Variants in TENM3 observed in about 807,000 individuals in gnomAD.
TENM3 encodes teneurin-3.
A neutral mutation model predicts 255.1 loss-of-function variants in TENM3; 63 were observed. The ratio of observed to expected loss-of-function variants is 0.25; its 90% CI spans 0.20 to 0.30. The LOEUF is 0.30. Among genes scored for constraint, TENM3 ranks in the 10% least tolerant of loss-of-function variants. TENM3 has a pLI of 1.00. For missense variants in TENM3, 2,929 were observed against 3,461.1 expected (o/e 0.85, Z 3.86); for synonymous variants, 1,306 against 1,322.3 (o/e 0.99, Z 0.27).
intron 1 of TENM3, among the ~76,000 whole-genome samples, chr4:182,250,392 T>G (rs1253694152): frequency 6.6e-6 from 1 of 152,168 alleles, no homozygotes; most frequent in East Asian, 1.9e-4. Flanking sequence ...TTTGTTTTAA[T>G]GCACCACTTG....
At chr4:181,522,269 CAG>C in the TENM3 span, among the ~76,000 whole-genome samples, 1 of 152,050 alleles carries the variant, frequency 6.6e-6, no homozygotes, top group African/African-American at 2.4e-5. Context: ...AAAATCATAA[CAG>C]TACTCTTTAA....
chr4:181,672,866 C>T, the TENM3 span, among the ~76,000 whole-genome samples: 1 of 152,074 alleles, frequency 6.6e-6, no homozygotes, highest in South Asian at 2.1e-4. Flanking sequence ...AGTACTTTGC[C>T]CTTGTCATGG....
At chr4:181,802,382 C>A in the TENM3 span, among the ~76,000 whole-genome samples, 3 of 152,080 alleles carry the variant, frequency 2.0e-5, no homozygotes, top group Non-Finnish European at 2.9e-5. Context: ...CGCTGTAGCC[C>A]ATAAAACGTG....
chr4:182,095,005 G>C, the TENM3 span, among the ~76,000 whole-genome samples: 1 of 151,272 alleles, frequency 6.6e-6, no homozygotes, highest in Non-Finnish European at 1.5e-5. Context: ...AGGGATTCAA[G>C]AGAAAGTGAC....
chr4:181,953,418 C>CA, the TENM3 span, among the ~76,000 whole-genome samples: 1 of 152,238 alleles, frequency 6.6e-6, no homozygotes, highest in Admixed American at 6.5e-5. Flanking sequence ...CATACCCACA[C>CA]AAACACACAC....
At chr4:181,966,104 T>G in the TENM3 span, among the ~76,000 whole-genome samples, 1 of 152,214 alleles carries the variant, frequency 6.6e-6, no homozygotes, top group Non-Finnish European at 1.5e-5. Context: ...TGTGTCATTC[T>G]TTGCATAGAT....
At chr4:182,416,299 G>A (rs76607991) in intron 3 of TENM3, among the ~76,000 whole-genome samples, 2,621 of 152,244 alleles carry the variant, frequency 0.017, 108 homozygotes, top group Admixed American at 0.086. Flanking sequence ...CTAGGAATGT[G>A]ATATTTCTGA....
At chr4:181,905,550 T>C in the TENM3 span, among the ~76,000 whole-genome samples, 4 of 145,720 alleles carry the variant, frequency 2.7e-5, no homozygotes, top group South Asian at 2.2e-4. Flanking sequence ...TTTTTTTTTT[T>C]CTGGCTTTTT....
intron 5 of TENM3, among the ~76,000 whole-genome samples, chr4:182,641,213 C>A (rs930979637): frequency 6.6e-6 from 1 of 152,334 alleles, no homozygotes; most frequent in South Asian, 2.1e-4. Context: ...AACACACACA[C>A]GTATACACAC....
chr4:182,793,793 G>A lies in TENM3; in HGVS notation c.7121G>A (p.Arg2374Lys). Reference sequence around the variant, plus strand: ...ACACCTGACATAGAAATCTGGAAAAGAATTGGGAAGGACCCAGCTCCTTTT... The same window carrying A: ...ACACCTGACATAGAAATCTGGAAAAAAATTGGGAAGGACCCAGCTCCTTTT... ...WTTPDIEIWK[R>K]IGKDPAPFNL... Residue 2374 changes from arginine to lysine, a missense_variant, in exon 26 of 28, where the codon AGA becomes AAA. Transcript: ENST00000511685. This position sits in a 1 kb window ranked among gnomAD's most constrained non-coding sequence, Gnocchi z 5.7. 6.2e-7 allele frequency: 1 copy of A among 1,613,942 alleles called. No individual in the cohort carries two copies. Among genetic ancestry groups the A allele is most frequent in the Non-Finnish European group, 8.5e-7 (1 of 1,179,838 alleles).
At chr4:182,053,238 G>A in the TENM3 span, among the ~76,000 whole-genome samples, 22 of 152,274 alleles carry the variant, frequency 1.4e-4, no homozygotes, top group Admixed American at 2.6e-4. Flanking sequence ...TGCAGTTGGA[G>A]GGCATATTTC....
the TENM3 span, among the ~76,000 whole-genome samples, chr4:181,751,876 C>A: frequency 6.6e-6 from 1 of 152,246 alleles, no homozygotes; most frequent in East Asian, 1.9e-4. Context: ...AAATTAAGAA[C>A]AGAAAAGAAG....
chr4:182,269,291 C>T (rs1264816057), intron 1 of TENM3, among the ~76,000 whole-genome samples: 1 of 152,020 alleles, frequency 6.6e-6, no homozygotes, highest in Non-Finnish European at 1.5e-5. Flanking sequence ...GCCACTAAAC[C>T]CTGAAAGGGA....
intron 3 of TENM3, among the ~76,000 whole-genome samples, chr4:182,499,200 C>T (rs976012964): frequency 6.6e-6 from 1 of 152,076 alleles, no homozygotes; most frequent in Non-Finnish European, 1.5e-5. Flanking sequence ...TTATCTAATC[C>T]AGGGTGATCT....
At chr4:181,449,375 A>C in the TENM3 span, among the ~76,000 whole-genome samples, 1 of 152,202 alleles carries the variant, frequency 6.6e-6, no homozygotes, top group Non-Finnish European at 1.5e-5. Context: ...TTTAATTTGG[A>C]GTTACTACTT....
At chr4:181,838,404 G>C in the TENM3 span, among the ~76,000 whole-genome samples, 2 of 152,138 alleles carry the variant, frequency 1.3e-5, no homozygotes, top group African/African-American at 4.8e-5. Context: ...ATACTTTTTT[G>C]TCGAGTTTGG....
the TENM3 span, among the ~76,000 whole-genome samples, chr4:181,963,534 G>T: frequency 6.6e-6 from 1 of 152,118 alleles, no homozygotes; most frequent in Non-Finnish European, 1.5e-5. Context: ...GCCAAATATG[G>T]CCCTGATTCC....
the TENM3 span, among the ~76,000 whole-genome samples, chr4:181,902,105 G>T: frequency 1.1e-5 from 1 of 87,248 alleles, no homozygotes; most frequent in Non-Finnish European, 2.3e-5. Context: ...AAATGCGTGT[G>T]CATGTGAGCA....
chr4:181,545,859 T>TAAGTAC, the TENM3 span, among the ~76,000 whole-genome samples: 1 of 152,212 alleles, frequency 6.6e-6, no homozygotes, highest in Non-Finnish European at 1.5e-5. Flanking sequence ...GAAAGAAATA[T>TAAGTAC]ATGTTTTCAT....
Sources: allele counts gnomAD v4.1 joint callset (sites outside exome capture counted in the v4.1 genomes callset), GRCh38; gene constraint gnomAD v4.1.1; non-coding constraint Gnocchi (gnomAD v3.1); transcripts MANE v1.5; gene names NCBI Gene and HGNC (gene_info 2026-07-23, HGNC 2026-07-21).